The following SV2C variants were observed in gnomAD, a reference collection of about 807,000 sequenced individuals.
SV2C encodes synaptic vesicle glycoprotein 2C.
Under a neutral mutation model 79.7 loss-of-function variants are expected in SV2C, and 49 were observed. That is an observed-to-expected ratio of 0.61 (90% CI 0.49 to 0.78). The LOEUF (loss-of-function observed/expected upper bound fraction) is 0.78. Among genes scored for constraint, SV2C ranks in the 30% least tolerant of loss-of-function variants. The pLI is 0.00. For missense variants in SV2C, 833 were observed against 912.9 expected (o/e 0.91, Z 1.13); for synonymous variants, 334 against 333.2 (o/e 1.00, Z -0.03).
intron 12 of SV2C, among the ~76,000 whole-genome samples, chr5:76,322,320 A>C (rs959049532): frequency 4.6e-5 from 7 of 152,214 alleles, no homozygotes; most frequent in African/African-American, 1.7e-4. Flanking sequence ...CTGGAAATAC[A>C]ATTTACAAGG....
intron 1 of SV2C, among the ~76,000 whole-genome samples, chr5:76,085,826 T>TACACACACACACAC (rs34074817): frequency 0.036 from 5,136 of 141,888 alleles, 146 homozygotes; most frequent in South Asian, 0.079. Context: ...ACAAAGCCCC[T>TACACACACACACAC]ACACACACAC....
the SV2C span, among the ~76,000 whole-genome samples, chr5:75,957,582 G>A: frequency 6.6e-6 from 1 of 151,998 alleles, no homozygotes; most frequent in Non-Finnish European, 1.5e-5. Flanking sequence ...TTTCTGCTCT[G>A]TCACAAAGTA....
chr5:75,850,144 A>G, the SV2C span, among the ~76,000 whole-genome samples: 3 of 152,184 alleles, frequency 2.0e-5, no homozygotes, highest in South Asian at 6.2e-4. Context: ...ATATAAAATA[A>G]TCTTCCCTCA....
intron 4 of SV2C, among the ~76,000 whole-genome samples, chr5:76,241,388 G>C (rs952363029): frequency 1.9e-4 from 29 of 152,120 alleles, no homozygotes; most frequent in African/African-American, 7.0e-4. Flanking sequence ...GCTCTGAACA[G>C]GGAAAGTTTA....
At chr5:76,106,049 T>A (rs1465615466) in intron 1 of SV2C, among the ~76,000 whole-genome samples, 1 of 152,164 alleles carries the variant, frequency 6.6e-6, no homozygotes. Context: ...AGCATCTCCA[T>A]TGGATGTCTA....
chr5:76,342,846 G>T (rs1227358584), intron 12 of SV2C, among the ~76,000 whole-genome samples: 2 of 151,660 alleles, frequency 1.3e-5, no homozygotes, highest in East Asian at 1.9e-4. Flanking sequence ...GTACAACATG[G>T]TATGTTGGTA....
the SV2C span, among the ~76,000 whole-genome samples, chr5:76,020,691 G>T: frequency 6.6e-6 from 1 of 152,162 alleles, no homozygotes; most frequent in Non-Finnish European, 1.5e-5. Flanking sequence ...AACAGGCTAG[G>T]CTGTGTTTCT....
chr5:76,228,280 C>G (rs1480707392), intron 4 of SV2C, among the ~76,000 whole-genome samples: 1 of 152,172 alleles, frequency 6.6e-6, no homozygotes, highest in Admixed American at 6.5e-5. Context: ...CAAAGAAAAG[C>G]CTGTCAGCAT....
the SV2C span, among the ~76,000 whole-genome samples, chr5:75,952,694 G>C: frequency 1.3e-5 from 2 of 151,654 alleles, no homozygotes; most frequent in African/African-American, 4.8e-5. Context: ...TCCACCATGG[G>C]TAAATGCTCC....
chr5:75,951,748 C>T, the SV2C span, among the ~76,000 whole-genome samples: 5 of 151,982 alleles, frequency 3.3e-5, no homozygotes, highest in South Asian at 4.1e-4. Context: ...TCATTTTCAC[C>T]GAGGACTGTG....
intron 4 of SV2C, among the ~76,000 whole-genome samples, chr5:76,281,891 A>G (rs35966882): frequency 0.12 from 18,966 of 152,240 alleles, 1,444 homozygotes; most frequent in African/African-American, 0.21. Context: ...TCTTTGTCTC[A>G]AGATCCTTAA....
intron 4 of SV2C, among the ~76,000 whole-genome samples, chr5:76,248,046 A>G (rs575466217): frequency 1.1e-3 from 165 of 152,314 alleles, no homozygotes; most frequent in African/African-American, 3.9e-3. Context: ...GCTGCTAATG[A>G]TCAAGTTATA....
At chr5:76,079,720 C>T (rs1446615822), upstream of SV2C, 2 of 282,676 alleles carry the variant, frequency 7.1e-6, no homozygotes, top group East Asian at 9.9e-5. Context: ...TCCCTTCAAA[C>T]TTCGAATTGT....
chr5:75,942,059 C>T, the SV2C span, among the ~76,000 whole-genome samples: 2 of 152,132 alleles, frequency 1.3e-5, no homozygotes, highest in African/African-American at 2.4e-5. Context: ...CTATAAAAGG[C>T]CCAAGAGGAC....
chr5:76,099,374 G>A (rs1229604251), intron 1 of SV2C, among the ~76,000 whole-genome samples: 2 of 151,688 alleles, frequency 1.3e-5, no homozygotes, highest in African/African-American at 2.4e-5. Context: ...TCGTGTGTGT[G>A]TGTGTGTGTG....
intron 1 of SV2C, among the ~76,000 whole-genome samples, chr5:76,105,371 G>T (rs933391529): frequency 6.6e-6 from 1 of 152,108 alleles, no homozygotes; most frequent in Non-Finnish European, 1.5e-5. Flanking sequence ...CTTAGGAAAT[G>T]GATACTGCCT....
chr5:76,032,962 C>A, the SV2C span, among the ~76,000 whole-genome samples: 3 of 152,150 alleles, frequency 2.0e-5, no homozygotes, highest in African/African-American at 7.2e-5. Flanking sequence ...GATGGTATCC[C>A]ATTGTGGTTT....
intron 2 of SV2C, among the ~76,000 whole-genome samples, chr5:76,153,493 C>A (rs966559528): frequency 1.7e-4 from 26 of 152,184 alleles, no homozygotes; most frequent in Admixed American, 1.5e-3. Flanking sequence ...CCAGCAAACA[C>A]TTATTTCATA....
At chr5:75,925,012 A>C in the SV2C span, among the ~76,000 whole-genome samples, 1 of 152,224 alleles carries the variant, frequency 6.6e-6, no homozygotes, top group Non-Finnish European at 1.5e-5. Context: ...AGTTATGGTT[A>C]TTTAATATGA....
Sources: allele counts gnomAD v4.1 joint callset (sites outside exome capture counted in the v4.1 genomes callset), GRCh38; gene constraint gnomAD v4.1.1; transcripts MANE v1.5; gene names NCBI Gene and HGNC (gene_info 2026-07-23, HGNC 2026-07-21).